LMNB1: variants seen among roughly 807,000 people sequenced by gnomAD.
LMNB1 encodes lamin B1, also known as lamin-B1.
Under a neutral mutation model 67.1 loss-of-function variants are expected in LMNB1, and 23 were observed. That is an observed-to-expected ratio of 0.34 (90% CI 0.25 to 0.49). LMNB1 has a LOEUF of 0.49. Ranked by LOEUF, LMNB1 falls within the 20% of genes least tolerant of loss-of-function variation. The pLI is 0.99. For missense variants in LMNB1, 634 were observed against 746.5 expected (o/e 0.85, Z 1.76); for synonymous variants, 281 against 282.9 (o/e 0.99, Z 0.07).
intron 1 of LMNB1, among the ~76,000 whole-genome samples, chr5:126,791,203 C>T (rs1426976614): frequency 6.6e-6 from 1 of 150,722 alleles, no homozygotes; most frequent in African/African-American, 2.4e-5. Context: ...GATCTCTTTT[C>T]ATCCATTGTG....
In LMNB1 at chr5:126,836,461, G is replaced by A. The variant is rs1376405061; in HGVS notation, c.*197G>A. 2.0e-6 allele frequency: 1 copy of A among 500,056 alleles called. No homozygotes were observed. Among genetic ancestry groups the A allele is most frequent in the East Asian group, 3.2e-5 (1 of 31,596 alleles). 31.0% of individuals were successfully genotyped at this position (500,056 alleles called of 1,614,324 possible). A position where few individuals can be genotyped will look rare whatever the true frequency, so the allele number is the denominator to read the frequency against. On this transcript the variant is annotated 3_prime_UTR_variant, in exon 11 of 11. Coordinates refer to ENST00000261366, the MANE Select transcript of LMNB1 (RefSeq NM_005573.4). ...ATCATGTCCATACACTTTGTTGCAA[G>A]ATGTGAATTATTGACACTGAACTTA...
chr5:126,832,641 C>G (rs545717851), intron 9 of LMNB1, 53 bp from the exon 10 acceptor site: 15 of 1,293,452 alleles, frequency 1.2e-5, no homozygotes, highest in South Asian at 5.9e-5. Context: ...CCCTCTCCCC[C>G]GCATTTGGTG....
chr5:126,820,708 T>A (rs1014620768), intron 6 of LMNB1, among the ~76,000 whole-genome samples: 4 of 151,996 alleles, frequency 2.6e-5, no homozygotes, highest in African/African-American at 9.7e-5. Context: ...GTATTTTTAG[T>A]AGAGACGGGG....
chr5:126,798,188 C>G (rs1003193277), intron 1 of LMNB1, among the ~76,000 whole-genome samples: 1 of 151,536 alleles, frequency 6.6e-6, no homozygotes, highest in Non-Finnish European at 1.5e-5. Flanking sequence ...GGTGGCTCAC[C>G]GAGCCTGTAA....
intron 1 of LMNB1, among the ~76,000 whole-genome samples, chr5:126,783,279 G>T (rs1374355161): frequency 6.6e-6 from 1 of 151,878 alleles, no homozygotes; most frequent in Admixed American, 6.6e-5. Flanking sequence ...TTTTTTTAAT[G>T]TACTGATTTT....
intron 1 of LMNB1, among the ~76,000 whole-genome samples, chr5:126,781,635 C>A (rs1406906799): frequency 6.6e-6 from 1 of 152,056 alleles, no homozygotes; most frequent in Non-Finnish European, 1.5e-5. Flanking sequence ...GGGGTTTCAC[C>A]GTGTTGGCCA....
chr5:126,793,727 T>G (rs1751022334), intron 1 of LMNB1, among the ~76,000 whole-genome samples: 1 of 151,942 alleles, frequency 6.6e-6, no homozygotes, highest in African/African-American at 2.4e-5. Flanking sequence ...ATACCAAAAA[T>G]TAGCCGAATG....
chr5:126,816,584 C>T (rs1751711701), intron 5 of LMNB1, among the ~76,000 whole-genome samples: 1 of 152,186 alleles, frequency 6.6e-6, no homozygotes. Flanking sequence ...GAACTCGTCT[C>T]CAGACTATTT....
At chr5:126,795,264 A>G (rs1751058159) in intron 1 of LMNB1, among the ~76,000 whole-genome samples, 1 of 151,762 alleles carries the variant, frequency 6.6e-6, no homozygotes, top group African/African-American at 2.4e-5. Context: ...CAGTCTCTCT[A>G]GTAGCTGGGA....
chr5:126,819,635 C>T (rs60493556), intron 6 of LMNB1, among the ~76,000 whole-genome samples: 1,789 of 151,836 alleles, frequency 0.012, 27 homozygotes, highest in South Asian at 0.065. Context: ...GGATTACAGG[C>T]GTGTGTCACC....
intron 1 of LMNB1, among the ~76,000 whole-genome samples, chr5:126,799,037 T>TA (rs980888037): frequency 1.3e-5 from 2 of 151,470 alleles, no homozygotes; most frequent in Non-Finnish European, 1.5e-5. Context: ...TTTTTTTTTT[T>TA]GAGACGGAGT....
chr5:126,781,771 T>C (rs1483665378), intron 1 of LMNB1, among the ~76,000 whole-genome samples: 1 of 152,196 alleles, frequency 6.6e-6, no homozygotes, highest in Non-Finnish European at 1.5e-5. Flanking sequence ...AGAGTGTTTG[T>C]AATTAAGTAT....
chr5:126,820,900 T>C lies in LMNB1; in HGVS notation c.1161-10T>C, dbSNP rs755541806. 4.6e-5 allele frequency: 74 copies of C among 1,599,406 alleles called. No homozygotes were observed. In the Middle Eastern group the frequency reaches 8.3e-4, roughly 18 times the overall value. On this transcript the variant is annotated splice_polypyrimidine_tract_variant and intron_variant, in intron 6 of 10. Coordinates refer to ENST00000261366, the MANE Select transcript of LMNB1 (RefSeq NM_005573.4). ...TTTTAAAAATGAATTGTTTTATTTT[T>C]CCCATATAGGTTGAAGCTGTCTCCA... is the stretch of plus-strand genomic sequence containing the variant.
At chr5:126,784,610 C>T (rs983181239) in intron 1 of LMNB1, among the ~76,000 whole-genome samples, 2 of 151,084 alleles carry the variant, frequency 1.3e-5, no homozygotes, top group African/African-American at 4.9e-5. Flanking sequence ...CCGCCTCGGC[C>T]TCCCAAAGTG....
chr5:126,781,360 A>T (rs924358380), intron 1 of LMNB1, among the ~76,000 whole-genome samples: 4 of 152,224 alleles, frequency 2.6e-5, no homozygotes, highest in Non-Finnish European at 5.9e-5. Context: ...AAACTTTCTG[A>T]GTCCTGTATG....
At chr5:126,782,106 AT>A (rs1212546788) in intron 1 of LMNB1, among the ~76,000 whole-genome samples, 1 of 152,234 alleles carries the variant, frequency 6.6e-6, no homozygotes, top group Non-Finnish European at 1.5e-5. Flanking sequence ...GTACAGAGAA[AT>A]TGACTTGTTT....
intron 10 of LMNB1, 72 bp from the exon 11 acceptor site, chr5:126,836,151 G>C: frequency 8.4e-7 from 1 of 1,190,200 alleles, no homozygotes; most frequent in East Asian, 2.3e-5. Flanking sequence ...GTAGTTAAAA[G>C]TTTTTGTCTT....
intron 5 of LMNB1, among the ~76,000 whole-genome samples, chr5:126,812,476 A>G (rs775197931): frequency 2.0e-5 from 3 of 152,170 alleles, no homozygotes; most frequent in Non-Finnish European, 2.9e-5. Context: ...CTGGCTGCCT[A>G]TCAGGGTGTG....
At position 126,825,968 on chromosome 5, in the gene LMNB1, C is replaced by T; in HGVS notation, c.1492-20C>T. The T allele has an allele frequency of 6.2e-7, 1 of 1,613,134 alleles. No individual in the cohort carries two copies. The highest frequency in any genetic ancestry group is 1.1e-5 in the South Asian group (1 of 91,040). On this transcript the variant is annotated intron_variant, in intron 8 of 10. Coordinates refer to ENST00000261366, the MANE Select transcript of LMNB1 (RefSeq NM_005573.4). ...GAGAACTGGGTTCTGGGTGTACTGA[C>T]ATGCTTTGGTTTTTTACAGATTTGG...
Sources: allele counts gnomAD v4.1 joint callset (sites outside exome capture counted in the v4.1 genomes callset), GRCh38; gene constraint gnomAD v4.1.1; transcripts MANE v1.5; gene names NCBI Gene and HGNC (gene_info 2026-07-23, HGNC 2026-07-21).